Variants in NEURL3 observed in about 807,000 individuals in gnomAD.
The protein encoded by NEURL3 is neuralized E3 ubiquitin protein ligase 3, also known as E3 ubiquitin-protein ligase NEURL3.
Under a neutral mutation model 17.6 loss-of-function variants are expected in NEURL3, and 19 were observed. That is an observed-to-expected ratio of 1.08 (90% CI 0.75 to 1.58). The LOEUF is 1.58. Ranked by LOEUF, NEURL3 falls within the 40% of genes most tolerant of loss-of-function variation. The pLI, the probability that NEURL3 is intolerant of heterozygous loss-of-function variation, is 0.00. For missense variants in NEURL3, 342 were observed against 379.6 expected, an observed-to-expected ratio of 0.90 and a Z score of 0.82; for synonymous variants, 180 against 161.4, an observed-to-expected ratio of 1.11 and a Z score of -0.87.
upstream of NEURL3, among the ~76,000 whole-genome samples, chr2:96,507,233 C>T (rs571492230): frequency 9.2e-5 from 14 of 152,310 alleles, no homozygotes; most frequent in Middle Eastern, 0.014. Context: ...CACTTCTCCA[C>T]GATGCCCACT....
upstream of NEURL3, chr2:96,505,500 GC>G (rs2104618046): frequency 1.7e-6 from 1 of 604,756 alleles, no homozygotes; most frequent in Non-Finnish European, 2.9e-6. Context: ...ACCTGCTGGA[GC>G]TGGCCGGCCT....
intron 1 of NEURL3, among the ~76,000 whole-genome samples, chr2:96,503,684 C>G (rs1180181910): frequency 6.6e-6 from 1 of 152,194 alleles, no homozygotes; most frequent in African/African-American, 2.4e-5. Flanking sequence ...GGGTCTGGAG[C>G]AGGGTCGGGG....
intron 2 of NEURL3, 169 bp from the exon 3 acceptor site, chr2:96,499,618 T>C: frequency 6.1e-6 from 1 of 165,280 alleles, no homozygotes; most frequent in African/African-American, 2.4e-5. Flanking sequence ...TTCCCCAGCT[T>C]GACCCAGCTG....
At chr2:96,504,318 A>G (rs1336953488) in intron 1 of NEURL3, among the ~76,000 whole-genome samples, 1 of 152,174 alleles carries the variant, frequency 6.6e-6, no homozygotes, top group Admixed American at 6.5e-5. Context: ...TGTGCTAGTC[A>G]TCTGTGTTTT....
Position 96,498,289 on chromosome 2 carries a change from G to C in NEURL3, c.744C>G (p.Ala248=). The C allele has an allele frequency of 1.3e-6, 2 of 1,589,094 alleles. No homozygotes were observed. Among genetic ancestry groups the C allele is most frequent in the Non-Finnish European group, 8.5e-7 (1 of 1,175,390 alleles). ...TCAGAGCAGGAGGGCCCTGCGCAGG[G>C]GCTACCGCCTCTATCTGCCAGCGGC... ...PVCRWQIEAV[A]PAQGPPALRV... Residue 248 remains alanine (A), a synonymous_variant, in exon 4 of 4, where the codon GCC becomes GCG. Transcript: ENST00000451794. This position sits in a 1 kb window ranked among gnomAD's most constrained non-coding sequence, Gnocchi z 4.4.
chr2:96,500,985 A>C, intron 1 of NEURL3, 61 bp from the exon 2 acceptor site: 6 of 1,437,840 alleles, frequency 4.2e-6, no homozygotes, highest in Non-Finnish European at 5.4e-6. Flanking sequence ...AGCTCCCCAG[A>C]GAGCCCCCAG....
At chr2:96,499,338 G>A in intron 3 of NEURL3, 40 bp downstream of exon 3, 1 of 1,595,132 alleles carries the variant, frequency 6.3e-7, no homozygotes, top group Non-Finnish European at 8.5e-7. Context: ...CCCAGGTGCT[G>A]GATTCCCGGG....
chr2:96,505,704 C>T (rs1261653204), upstream of NEURL3, among the ~76,000 whole-genome samples: 1 of 152,220 alleles, frequency 6.6e-6, no homozygotes, highest in East Asian at 1.9e-4. Context: ...CAGGAGTTTA[C>T]AGAGCAACGC....
At chr2:96,503,525 A>T (rs546904225) in intron 1 of NEURL3, among the ~76,000 whole-genome samples, 1 of 152,168 alleles carries the variant, frequency 6.6e-6, no homozygotes, top group Non-Finnish European at 1.5e-5. Context: ...CCTCTCATCT[A>T]TGAAGACTCT....
At chr2:96,505,217 A>C in intron 1 of NEURL3, 42 bp downstream of exon 1, 3 of 1,597,790 alleles carry the variant, frequency 1.9e-6, no homozygotes, top group East Asian at 4.5e-5. Context: ...CTGTACCCCC[A>C]GTCCAGAGAC....
chr2:96,505,122 G>A (rs957390217), intron 1 of NEURL3, 137 bp downstream of exon 1: 3 of 950,772 alleles, frequency 3.2e-6, no homozygotes, highest in Admixed American at 2.3e-5. Context: ...AGCTCAACTT[G>A]GCAGAACTGG....
At position 96,498,429 on chromosome 2, in the gene NEURL3, ACTCCT is replaced by A. The variant is rs751655406; in HGVS notation, c.599_603del (p.Glu200ValfsTer58). Reference sequence around the variant, plus strand: ...GCAGCGTGATAGAAGCAGATGGCACACTCCTCTCCTGGTGTGGCTGGAAGAGGGAG... The same window carrying A: ...GCAGCGTGATAGAAGCAGATGGCACACTCCTGGTGTGGCTGGAAGAGGGAG... On this transcript the variant is annotated frameshift_variant, in exon 4 of 4. Coordinates refer to ENST00000451794, the MANE Select transcript of NEURL3 (RefSeq NM_001285485.2). LOFTEE classifies it low-confidence loss of function (END_TRUNC). The surrounding 1 kb of genome is among the most constrained non-coding windows in gnomAD (Gnocchi z 4.4). The A allele has an allele frequency of 1.1e-5, 17 of 1,597,102 alleles. No homozygotes were observed. The African/African-American group carries it at 1.7e-4, about 16-fold the overall frequency.
chr2:96,505,362 A>G, upstream of NEURL3: 4 of 1,493,180 alleles, frequency 2.7e-6, no homozygotes, highest in Non-Finnish European at 3.7e-6. Context: ...CAGGTTACCA[A>G]AGATTCAGCA....
At chr2:96,503,371 C>T (rs749815742) in intron 1 of NEURL3, among the ~76,000 whole-genome samples, 21 of 152,130 alleles carry the variant, frequency 1.4e-4, no homozygotes, top group Non-Finnish European at 2.2e-4. Context: ...TGGTGGGTGC[C>T]GAGGGGACGT....
chr2:96,498,480 G>A lies in NEURL3; in HGVS notation c.587-34C>T. 1.9e-6 allele frequency: 3 copies of A among 1,559,096 alleles called. No homozygotes were observed. Among genetic ancestry groups the A allele is most frequent in the Non-Finnish European group, 2.6e-6 (3 of 1,150,588 alleles). On this transcript the variant is annotated intron_variant, in intron 3 of 3. Coordinates refer to ENST00000451794, the MANE Select transcript of NEURL3 (RefSeq NM_001285485.2). This position sits in a 1 kb window ranked among gnomAD's most constrained non-coding sequence, Gnocchi z 4.4. ...GGGAGCAACACAGGTCAGGGCACATGGGGGAAGGGGTGGGCAACCCGCTCA... is the reference window on the plus strand; with the variant it reads ...GGGAGCAACACAGGTCAGGGCACATAGGGGAAGGGGTGGGCAACCCGCTCA...
At chr2:96,502,706 T>C (rs1315328738) in intron 1 of NEURL3, among the ~76,000 whole-genome samples, 1 of 152,062 alleles carries the variant, frequency 6.6e-6, no homozygotes, top group East Asian at 1.9e-4. Flanking sequence ...AGCCCTGGAG[T>C]GGGCTTGGCA....
chr2:96,504,055 T>C (rs2065537327), intron 1 of NEURL3, among the ~76,000 whole-genome samples: 1 of 152,198 alleles, frequency 6.6e-6, no homozygotes, highest in Non-Finnish European at 1.5e-5. Context: ...GGGGGTGGAC[T>C]GCCTGCGGGC....
upstream of NEURL3, among the ~76,000 whole-genome samples, chr2:96,505,879 A>G (rs943337942): frequency 1.3e-5 from 2 of 152,258 alleles, no homozygotes; most frequent in African/African-American, 4.8e-5. Context: ...AGCAGACAGA[A>G]GAGGAGAGGA....
rs2065499713 is a variant in NEURL3 at position 96,500,830 on chromosome 2, G to C, written c.123C>G (p.Arg41=). 1.3e-6 allele frequency: 2 copies of C among 1,529,424 alleles called. No homozygotes were observed. Among genetic ancestry groups the C allele is most frequent in the African/African-American group, 2.8e-5 (2 of 72,360 alleles). The allele number at this position is 1,529,424 out of a possible 1,614,324, so 94.7% of individuals were successfully genotyped here. Residue 41 remains arginine, a synonymous_variant, in exon 2 of 4, where the codon CGC becomes CGG. Transcript: ENST00000451794. Reference sequence around the variant, plus strand: ...ACACGATGCCGTCGTGGAACGTGGTGCGCCTGTGCGCGATGCAGCCACGCG... The same window carrying C: ...ACACGATGCCGTCGTGGAACGTGGTCCGCCTGTGCGCGATGCAGCCACGCG... The part of the protein sequence containing the change: ...LDTRGCIAHR[R]TTFHDGIVFS...
Sources: gnomAD v4.1 joint callset for allele counts (sites outside exome capture counted in the v4.1 genomes callset) on GRCh38, gnomAD v4.1.1 for gene constraint, Gnocchi (gnomAD v3.1) non-coding constraint, MANE v1.5 for transcripts, NCBI Gene and HGNC (gene_info 2026-07-23, HGNC 2026-07-21) for gene names.